NEGR1: variants seen among roughly 807,000 people sequenced by gnomAD.
NEGR1 encodes the protein neuronal growth regulator 1, also known as IgLON family member 4.
A neutral mutation model predicts 40.9 loss-of-function variants in NEGR1; 10 were observed. The observed-to-expected ratio is 0.24, with a 90% CI of 0.15 to 0.42. The LOEUF (loss-of-function observed/expected upper bound fraction) is 0.42. NEGR1 is among the 10% of genes least tolerant of loss of function. The pLI is 1.00. For missense variants in NEGR1, 352 were observed against 438.9 expected (o/e 0.80, Z 1.77); for synonymous variants, 185 against 166.8 (o/e 1.11, Z -0.84).
chr1:72,136,657 C>CAAA (rs1227030046), intron 1 of NEGR1, among the ~76,000 whole-genome samples: 1 of 123,906 alleles, frequency 8.1e-6, no homozygotes, highest in Non-Finnish European at 1.7e-5. Context: ...AAAAAAAAGG[C>CAAA]AAAAAAAAAA....
At chr1:71,507,348 G>A (rs1471529850) in intron 6 of NEGR1, among the ~76,000 whole-genome samples, 2 of 152,084 alleles carry the variant, frequency 1.3e-5, no homozygotes. Context: ...ACTTCCTAAT[G>A]GAAAAGAAAT....
chr1:71,475,761 T>C (rs962739387), intron 6 of NEGR1, among the ~76,000 whole-genome samples: 1 of 152,020 alleles, frequency 6.6e-6, no homozygotes, highest in African/African-American at 2.4e-5. Flanking sequence ...AGCTTAAAAT[T>C]TAGGTCAATT....
intron 2 of NEGR1, among the ~76,000 whole-genome samples, chr1:71,924,782 C>T (rs191977871): frequency 3.3e-4 from 50 of 152,154 alleles, no homozygotes; most frequent in African/African-American, 6.0e-4. Context: ...TACTACAACA[C>T]GCATTCACTA....
At chr1:72,037,943 G>T (rs1569860246) in intron 1 of NEGR1, among the ~76,000 whole-genome samples, 1 of 151,962 alleles carries the variant, frequency 6.6e-6, no homozygotes, top group East Asian at 1.9e-4. Flanking sequence ...GCCACCTGCT[G>T]GTGGTATTCT....
intron 5 of NEGR1, among the ~76,000 whole-genome samples, chr1:71,601,881 C>T (rs1649931136): frequency 6.6e-6 from 1 of 151,962 alleles, no homozygotes; most frequent in Non-Finnish European, 1.5e-5. Flanking sequence ...GTGTCGGGTG[C>T]CCTAGAAACC....
intron 4 of NEGR1, among the ~76,000 whole-genome samples, chr1:71,688,355 T>TTA (rs1553158628): frequency 2.5e-5 from 1 of 40,504 alleles, no homozygotes; most frequent in Admixed American, 3.6e-4. Context: ...GATAGATAGA[T>TTA]TATATATATA....
At chr1:72,154,858 T>C (rs2100362361) in intron 1 of NEGR1, among the ~76,000 whole-genome samples, 1 of 152,110 alleles carries the variant, frequency 6.6e-6, no homozygotes, top group East Asian at 1.9e-4. Context: ...AAGTCACATT[T>C]GAACAGGGTA....
intron 4 of NEGR1, among the ~76,000 whole-genome samples, chr1:71,668,432 C>A (rs1049913144): frequency 1.3e-5 from 2 of 152,136 alleles, no homozygotes; most frequent in Admixed American, 1.3e-4. Context: ...CTTTTTAGTA[C>A]AACGATGAGC....
chr1:71,484,129 A>C (rs1646872166), intron 6 of NEGR1, among the ~76,000 whole-genome samples: 1 of 151,724 alleles, frequency 6.6e-6, no homozygotes, highest in Non-Finnish European at 1.5e-5. Context: ...ACTAGTTTGC[A>C]AATATCAGCT....
rs1266271662 is a variant in NEGR1, at chr1:71,961,590, TG to T, written c.177-26280del. On this transcript the variant is annotated intron_variant, in intron 1 of 6. Coordinates refer to ENST00000357731, the MANE Select transcript of NEGR1 (RefSeq NM_173808.3). Reference sequence around the variant, plus strand: ...TTGACTGAACAGGTGGTAATGAGAATGGGTGTAAAATCATTAACACAGGTGA... The same window carrying T: ...TTGACTGAACAGGTGGTAATGAGAATGGTGTAAAATCATTAACACAGGTGA... 3.3e-5 allele frequency among the ~76,000 whole-genome samples: 5 copies of T among 152,180 alleles called. No homozygotes were observed. In the South Asian group the frequency reaches 1.0e-3, roughly 32 times the overall value.
intron 5 of NEGR1, among the ~76,000 whole-genome samples, chr1:71,599,175 A>C (rs917326124): frequency 2.6e-5 from 4 of 152,240 alleles, no homozygotes; most frequent in Admixed American, 2.6e-4. Flanking sequence ...ATTTATGTAC[A>C]TATATGCCAA....
intron 1 of NEGR1, among the ~76,000 whole-genome samples, chr1:72,049,669 C>A (rs1433311291): frequency 6.6e-6 from 1 of 151,514 alleles, no homozygotes; most frequent in Admixed American, 6.6e-5. Context: ...TAACCTTAAG[C>A]CAGGAAGCAA....
At chr1:72,000,592 T>C (rs1646548438) in intron 1 of NEGR1, among the ~76,000 whole-genome samples, 1 of 152,174 alleles carries the variant, frequency 6.6e-6, no homozygotes, top group Non-Finnish European at 1.5e-5. Context: ...ATTTGTTATA[T>C]CAGAGGAAAT....
At chr1:72,236,305 A>G (rs1654542682) in intron 1 of NEGR1, among the ~76,000 whole-genome samples, 1 of 152,030 alleles carries the variant, frequency 6.6e-6, no homozygotes, top group Non-Finnish European at 1.5e-5. Flanking sequence ...TAGAGGAGGG[A>G]TACCTTTAGG....
chr1:72,214,235 T>C (rs1191567520), intron 1 of NEGR1, among the ~76,000 whole-genome samples: 1 of 152,092 alleles, frequency 6.6e-6, no homozygotes, highest in Non-Finnish European at 1.5e-5. Context: ...AAGAGCTATT[T>C]ATGACACACA....
At chr1:71,872,268 G>C (rs368252819) in intron 2 of NEGR1, among the ~76,000 whole-genome samples, 7 of 152,148 alleles carry the variant, frequency 4.6e-5, no homozygotes, top group African/African-American at 1.7e-4. Flanking sequence ...ATTTTCTGAG[G>C]TGGTTTTGAC....
At chr1:72,141,460 T>C (rs1261429329) in intron 1 of NEGR1, among the ~76,000 whole-genome samples, 1 of 152,036 alleles carries the variant, frequency 6.6e-6, no homozygotes, top group Non-Finnish European at 1.5e-5. Flanking sequence ...GTGTATATTA[T>C]CCTGAACTAT....
chr1:71,712,706 G>A (rs559179704), intron 3 of NEGR1, among the ~76,000 whole-genome samples: 30 of 152,078 alleles, frequency 2.0e-4, no homozygotes, highest in Admixed American at 4.6e-4. Flanking sequence ...TTGAGTCCCT[G>A]GTATCCCTGC....
At chr1:71,864,533 TG>T (rs1660056752) in intron 2 of NEGR1, among the ~76,000 whole-genome samples, 1 of 152,150 alleles carries the variant, frequency 6.6e-6, no homozygotes, top group Non-Finnish European at 1.5e-5. Flanking sequence ...TGATAAATGT[TG>T]TATAGTAGGT....
Sources: gnomAD v4.1 joint callset for allele counts (sites outside exome capture counted in the v4.1 genomes callset) on GRCh38, gnomAD v4.1.1 for gene constraint, MANE v1.5 for transcripts, NCBI Gene and HGNC (gene_info 2026-07-23, HGNC 2026-07-21) for gene names.